Variants in NOL10 observed in about 807,000 individuals in gnomAD.
NOL10 encodes the protein H_NH0074G24.1.
In NOL10, 58 loss-of-function variants were observed where a neutral mutation model predicts 103.5. That is an observed-to-expected ratio of 0.56 (90% CI 0.45 to 0.70). The LOEUF (loss-of-function observed/expected upper bound fraction) is 0.70, where lower values mean the gene tolerates loss of function less well. NOL10 is among the 30% of genes least tolerant of loss of function. The probability of loss-of-function intolerance (pLI) is 0.00; values close to 1 mark genes in which losing one functional copy is unlikely to be tolerated. For synonymous variants in NOL10, 287 were observed against 282.5 expected (o/e 1.02, Z -0.16); for missense variants, 763 against 807.3 (o/e 0.95, Z 0.67).
At chr2:10,664,955 C>CT (rs1470022712) in intron 8 of NOL10, among the ~76,000 whole-genome samples, 1 of 152,202 alleles carries the variant, frequency 6.6e-6, no homozygotes, top group Non-Finnish European at 1.5e-5. Flanking sequence ...GGGAATTACA[C>CT]TTTTCACTTT....
chr2:10,598,241 G>GC (rs1278905758), intron 17 of NOL10, among the ~76,000 whole-genome samples: 1 of 152,178 alleles, frequency 6.6e-6, no homozygotes, highest in African/African-American at 2.4e-5. Context: ...ACCGGACACT[G>GC]CATCAGGCGG....
chr2:10,643,352 C>T (rs1436211921), intron 13 of NOL10, among the ~76,000 whole-genome samples: 4 of 152,182 alleles, frequency 2.6e-5, no homozygotes, highest in African/African-American at 9.7e-5. Context: ...AGAGAGTTCA[C>T]CTCCCTCAGA....
chr2:10,585,173 T>C (rs1251469317), intron 19 of NOL10, among the ~76,000 whole-genome samples: 3 of 152,238 alleles, frequency 2.0e-5, no homozygotes, highest in African/African-American at 7.2e-5. Flanking sequence ...CTATTCTAAG[T>C]ACTTATTCAA....
intron 19 of NOL10, among the ~76,000 whole-genome samples, chr2:10,585,643 G>C (rs1674989078): frequency 6.6e-6 from 1 of 152,162 alleles, no homozygotes; most frequent in Admixed American, 6.5e-5. Context: ...GTATCCGCTG[G>C]GGAATTGGTT....
intron 19 of NOL10, among the ~76,000 whole-genome samples, chr2:10,578,717 G>A: frequency 6.6e-6 from 1 of 152,110 alleles, no homozygotes; most frequent in Non-Finnish European, 1.5e-5. Flanking sequence ...TTGGTTTAGA[G>A]GGAAATAAAC....
intron 17 of NOL10, among the ~76,000 whole-genome samples, chr2:10,592,852 G>C (rs1204599629): frequency 6.6e-6 from 1 of 152,016 alleles, no homozygotes; most frequent in Non-Finnish European, 1.5e-5. Context: ...TTCCTAGTCT[G>C]TTTGTTTTCA....
At chr2:10,645,960 C>A (rs892104078) in intron 12 of NOL10, among the ~76,000 whole-genome samples, 2 of 151,678 alleles carry the variant, frequency 1.3e-5, no homozygotes, top group Admixed American at 6.6e-5. Flanking sequence ...CACACACACA[C>A]ACACACACCC....
chr2:10,602,913 G>A lies in NOL10; in HGVS notation c.1234-39C>T, dbSNP rs150855609. ...AAAAAGTTTTTAAAATAAAAGAATGGTATTTGGTAATATCATTTTCATATA... is the reference window on the plus strand; with the variant it reads ...AAAAAGTTTTTAAAATAAAAGAATGATATTTGGTAATATCATTTTCATATA... On this transcript the variant is annotated intron_variant, in intron 15 of 20. Coordinates refer to ENST00000381685, the MANE Select transcript of NOL10 (RefSeq NM_024894.4). 6.3e-5 allele frequency: 91 copies of A among 1,437,944 alleles called. No individual in the cohort carries two copies. In the East Asian group the frequency reaches 1.8e-3, roughly 29 times the overall value. The allele number at this position is 1,437,944 out of a possible 1,614,324, so 89.1% of individuals were successfully genotyped here.
At chr2:10,605,058 T>C (rs963831) in intron 14 of NOL10, among the ~76,000 whole-genome samples, 89,692 of 151,790 alleles carry the variant, frequency 0.59, 27,482 homozygotes, top group African/African-American at 0.74. Flanking sequence ...CAGGCAACCC[T>C]ATAGGTTGGG....
intron 17 of NOL10, 102 bp downstream of exon 17, chr2:10,600,751 A>G (rs1675927417): frequency 6.5e-6 from 5 of 771,520 alleles, no homozygotes; most frequent in Non-Finnish European, 1.1e-5. Flanking sequence ...CAGGAAAGAA[A>G]AAGTCCTACA....
intron 13 of NOL10, among the ~76,000 whole-genome samples, chr2:10,635,213 G>A (rs921987039): frequency 6.6e-6 from 1 of 152,144 alleles, no homozygotes; most frequent in African/African-American, 2.4e-5. Context: ...TTTAGGTTAA[G>A]TCTCATGTTT....
At chr2:10,636,291 C>A (rs1453603609) in intron 13 of NOL10, among the ~76,000 whole-genome samples, 7 of 151,774 alleles carry the variant, frequency 4.6e-5, no homozygotes, top group Non-Finnish European at 8.8e-5. Context: ...CATCTTTGGC[C>A]GGGCACAGTG....
At chr2:10,583,056 C>T (rs1674842433) in intron 19 of NOL10, among the ~76,000 whole-genome samples, 1 of 152,202 alleles carries the variant, frequency 6.6e-6, no homozygotes, top group Admixed American at 6.5e-5. Context: ...ATTCCTGGGC[C>T]TCTCTACTCC....
intron 12 of NOL10, among the ~76,000 whole-genome samples, chr2:10,645,257 G>C (rs1216038739): frequency 1.3e-5 from 2 of 152,082 alleles, no homozygotes; most frequent in African/African-American, 4.8e-5. Context: ...GACTTCTACA[G>C]ATCAGCTAAA....
intron 14 of NOL10, among the ~76,000 whole-genome samples, chr2:10,605,697 T>C (rs78276302): frequency 1.3e-5 from 2 of 152,296 alleles, no homozygotes; most frequent in East Asian, 1.9e-4. Flanking sequence ...TGACCTTTTT[T>C]CATTCGATTT....
Position 10,675,788 on chromosome 2 carries a change from A to C in NOL10, c.289+6T>G. ...TTCATGAATTCAAATTTAGCTTTTT[A>C]CTCACCTTCTGAATCTAAACACCTT... On this transcript the variant is annotated splice_donor_region_variant and intron_variant, in intron 4 of 20. Coordinates refer to ENST00000381685, the MANE Select transcript of NOL10 (RefSeq NM_024894.4). The C allele has an allele frequency of 6.6e-7, 1 of 1,510,754 alleles. No homozygotes were observed. Among genetic ancestry groups the C allele is most frequent in the Non-Finnish European group, 9.0e-7 (1 of 1,115,222 alleles). The allele number at this position is 1,510,754 out of a possible 1,614,324, so 93.6% of individuals were successfully genotyped here.
rs567186622 is a variant in NOL10 at position 10,652,231 on chromosome 2, C to T, written c.973+2250G>A. 2.7e-5 allele frequency among the ~76,000 whole-genome samples: 4 copies of T among 145,802 alleles called. No homozygotes were observed. The South Asian group carries it at 8.8e-4, about 32-fold the overall frequency. The stretch of plus-strand genomic sequence containing the variant: ...CTCCAGCCTGGGGGACAGAGGGAGA[C>T]TCTGTCTCAAAAAAAAAAAAGAAAA... On this transcript the variant is annotated intron_variant, in intron 12 of 20. Transcript: ENST00000381685.
rs1034118317 is a variant in NOL10, at chr2:10,681,822, A to G, written c.211+149T>C. 1.3e-4 allele frequency: 49 copies of G among 383,322 alleles called. No homozygotes were observed. The South Asian group carries it at 2.0e-3, about 15-fold the overall frequency. The allele number at this position is 383,322 out of a possible 1,614,324, so 23.7% of individuals were successfully genotyped here. On this transcript the variant is annotated intron_variant, in intron 3 of 20. Coordinates refer to ENST00000381685, the MANE Select transcript of NOL10 (RefSeq NM_024894.4). The stretch of plus-strand genomic sequence containing the variant: ...ATTGCAGAATTTAGGTAGTAGTTAA[A>G]TGGGTGTTTACTATACAATTTTTTC...
chr2:10,644,934 C>A (rs1678950894), intron 12 of NOL10, among the ~76,000 whole-genome samples: 1 of 152,204 alleles, frequency 6.6e-6, no homozygotes, highest in South Asian at 2.1e-4. Context: ...TTGCAACATA[C>A]TCCTTCCCCA....
Sources: allele counts gnomAD v4.1 joint callset (sites outside exome capture counted in the v4.1 genomes callset), GRCh38; gene constraint gnomAD v4.1.1; transcripts MANE v1.5; gene names NCBI Gene and HGNC (gene_info 2026-07-23, HGNC 2026-07-21).